Variants in RNLS observed in about 807,000 individuals in gnomAD.
RNLS encodes renalase, FAD dependent amine oxidase.
In RNLS, 39 loss-of-function variants were observed where a neutral mutation model predicts 39.8. The observed-to-expected ratio is 0.98, with a 90% CI of 0.76 to 1.28. The LOEUF (loss-of-function observed/expected upper bound fraction) is 1.28. Among genes scored for constraint, RNLS ranks in the 50% most tolerant of loss-of-function variants. The pLI, the probability that RNLS is intolerant of heterozygous loss-of-function variation, is 0.00. For synonymous variants in RNLS, 147 were observed against 150.7 expected (o/e 0.98, Z 0.18); for missense variants, 410 against 413.3 (o/e 0.99, Z 0.07).
At chr10:88,446,319 G>A (rs568618391) in intron 4 of RNLS, among the ~76,000 whole-genome samples, 1,812 of 152,288 alleles carry the variant, frequency 0.012, 21 homozygotes, top group Non-Finnish European at 0.019. Flanking sequence ...AAATCAGTGT[G>A]TAGAGGGAAA....
chr10:88,489,996 C>T (rs542218892), intron 4 of RNLS, among the ~76,000 whole-genome samples: 67 of 152,134 alleles, frequency 4.4e-4, no homozygotes, highest in South Asian at 3.9e-3. Flanking sequence ...GCTGTATTGG[C>T]AAATTGACTA....
intron 5 of RNLS, among the ~76,000 whole-genome samples, chr10:88,357,220 T>G (rs567437353): frequency 1.5e-4 from 23 of 152,216 alleles, no homozygotes; most frequent in Non-Finnish European, 2.9e-4. Flanking sequence ...TATGGTATTA[T>G]TTTACTTATC....
intron 3 of RNLS, among the ~76,000 whole-genome samples, chr10:88,579,098 G>C (rs1850377533): frequency 6.6e-6 from 1 of 152,134 alleles, no homozygotes; most frequent in Admixed American, 6.5e-5. Flanking sequence ...AAGACCCAAA[G>C]ATACAGGAGT....
chr10:88,277,284 T>C (rs755734687), intron 6 of RNLS, among the ~76,000 whole-genome samples: 19 of 151,836 alleles, frequency 1.3e-4, no homozygotes, highest in Non-Finnish European at 2.6e-4. Context: ...ATAAGAACAC[T>C]TGGACACAGG....
At chr10:88,535,630 G>C (rs1014546520) in intron 4 of RNLS, among the ~76,000 whole-genome samples, 3 of 152,082 alleles carry the variant, frequency 2.0e-5, no homozygotes, top group Non-Finnish European at 4.4e-5. Flanking sequence ...TAGGTAGTAG[G>C]ACTCATTACT....
downstream of RNLS, among the ~76,000 whole-genome samples, chr10:88,269,512 C>T (rs1473668351): frequency 2.0e-5 from 3 of 152,172 alleles, no homozygotes; most frequent in Non-Finnish European, 4.4e-5. Context: ...CAAACTAGGG[C>T]CTGGCCTAAC....
chr10:88,353,787 A>G (rs936843371), intron 5 of RNLS, among the ~76,000 whole-genome samples: 4 of 152,134 alleles, frequency 2.6e-5, no homozygotes, highest in African/African-American at 7.2e-5. Flanking sequence ...TGTCTCGTTG[A>G]TCTATCTGAT....
chr10:88,430,447 T>C (rs186146676), intron 4 of RNLS, among the ~76,000 whole-genome samples: 1 of 151,968 alleles, frequency 6.6e-6, no homozygotes, highest in African/African-American at 2.4e-5. Flanking sequence ...TAGAGACAGC[T>C]TTACATCTTC....
At chr10:88,345,918 T>C (rs1848269888) in intron 5 of RNLS, among the ~76,000 whole-genome samples, 1 of 152,096 alleles carries the variant, frequency 6.6e-6, no homozygotes, top group African/African-American at 2.4e-5. Flanking sequence ...GATTCAGAAG[T>C]CCATTGCAGT....
the RNLS span, among the ~76,000 whole-genome samples, chr10:88,251,442 A>G: frequency 2.6e-5 from 4 of 152,372 alleles, no homozygotes; most frequent in South Asian, 8.3e-4. Context: ...CTCTTTTATC[A>G]TTGATTAATG....
intron 5 of RNLS, 81 bp downstream of exon 5, chr10:88,362,471 C>T: frequency 7.6e-7 from 1 of 1,311,020 alleles, no homozygotes. Context: ...TTCAGAATGG[C>T]AACACTCAAT....
the RNLS span, among the ~76,000 whole-genome samples, chr10:88,235,122 C>T: frequency 7.8e-3 from 1,189 of 151,608 alleles, 7 homozygotes; most frequent in Non-Finnish European, 0.012. Context: ...ATTAGCCGGG[C>T]GTCGGGGTGG....
At chr10:88,438,122 TA>T (rs571001948) in intron 4 of RNLS, among the ~76,000 whole-genome samples, 28,480 of 116,650 alleles carry the variant, frequency 0.24, 3,485 homozygotes, top group Admixed American at 0.38. Context: ...GTGAAACTCC[TA>T]AAAAAAAAAA....
chr10:88,434,739 T>G (rs1855359500), intron 4 of RNLS, among the ~76,000 whole-genome samples: 1 of 152,142 alleles, frequency 6.6e-6, no homozygotes, highest in African/African-American at 2.4e-5. Flanking sequence ...TTGGTTAGAA[T>G]AGCTAGAGTT....
chr10:88,447,672 T>C (rs1842122899), intron 4 of RNLS, among the ~76,000 whole-genome samples: 1 of 152,150 alleles, frequency 6.6e-6, no homozygotes, highest in African/African-American at 2.4e-5. Flanking sequence ...AGAGTTCATA[T>C]GGAACCAAAA....
chr10:88,298,114 TTTC>T (rs1261739750), intron 6 of RNLS, among the ~76,000 whole-genome samples: 2 of 152,192 alleles, frequency 1.3e-5, no homozygotes, highest in African/African-American at 4.8e-5. Context: ...GCCATTTGTA[TTTC>T]TTCTTTGGGA....
intron 4 of RNLS, among the ~76,000 whole-genome samples, chr10:88,384,072 T>C (rs1440481441): frequency 6.6e-6 from 1 of 152,180 alleles, no homozygotes; most frequent in African/African-American, 2.4e-5. Context: ...AGAAATTTGT[T>C]TTCTATCTTG....
In RNLS at chr10:88,457,427, T is replaced by A. The variant is rs923386492; in HGVS notation, c.527-94702A>T. 5.8e-4 allele frequency among the ~76,000 whole-genome samples: 89 copies of A among 152,264 alleles called. 1 individual carries two copies. Among genetic ancestry groups the A allele is most frequent in the African/African-American group, 2.0e-3 (83 of 41,552 alleles). The stretch of plus-strand genomic sequence containing the variant: ...AGAAGCGGGGTGGCAACAATGAAGA[T>A]AAAGATGATGCAAATCATTAAAGAA... On this transcript the variant is annotated intron_variant, in intron 4 of 6. Coordinates refer to ENST00000331772, the MANE Select transcript of RNLS (RefSeq NM_001031709.3).
intron 4 of RNLS, among the ~76,000 whole-genome samples, chr10:88,486,029 A>G (rs1326855261): frequency 6.6e-6 from 1 of 152,072 alleles, no homozygotes; most frequent in Non-Finnish European, 1.5e-5. Flanking sequence ...AAGGAGAGGA[A>G]AAGATAGCCA....
Sources: allele counts gnomAD v4.1 joint callset (sites outside exome capture counted in the v4.1 genomes callset), GRCh38; gene constraint gnomAD v4.1.1; transcripts MANE v1.5; gene names NCBI Gene and HGNC (gene_info 2026-07-23, HGNC 2026-07-21).